The following FHOD3 variants were observed in gnomAD, a reference collection of about 807,000 sequenced individuals.
FHOD3 encodes the protein formin homology 2 domain containing 3, also known as FH1/FH2 domain-containing protein 3.
A neutral mutation model predicts 173.0 loss-of-function variants in FHOD3; 90 were observed. That is an observed-to-expected ratio of 0.52 (90% CI 0.44 to 0.62). The LOEUF is 0.62. Ranked by LOEUF, FHOD3 falls within the 20% of genes least tolerant of loss-of-function variation. The pLI, the probability that FHOD3 is intolerant of heterozygous loss-of-function variation, is 0.00. For synonymous variants in FHOD3, 828 were observed against 823.0 expected, an observed-to-expected ratio of 1.01 and a Z score of -0.10; for missense variants, 1,945 against 2,034.7, an observed-to-expected ratio of 0.96 and a Z score of 0.85.
At chr18:36,601,104 G>T (rs1168202421) in intron 7 of FHOD3, among the ~76,000 whole-genome samples, 2 of 152,204 alleles carry the variant, frequency 1.3e-5, no homozygotes, top group Admixed American at 6.5e-5. Context: ...CTACACCGTG[G>T]TGTGGACTTC....
intron 24 of FHOD3, among the ~76,000 whole-genome samples, chr18:36,754,261 A>G (rs2042530678): frequency 6.6e-6 from 1 of 152,174 alleles, no homozygotes; most frequent in African/African-American, 2.4e-5. Flanking sequence ...TAAAAAATCC[A>G]TATTCAAGCT....
chr18:36,502,079 G>A (rs1053908357), intron 4 of FHOD3, 80 bp downstream of exon 4: 1 of 852,906 alleles, frequency 1.2e-6, no homozygotes, highest in Non-Finnish European at 1.8e-6. Context: ...ACCTGTACTT[G>A]TTATGAAAAG....
intron 3 of FHOD3, among the ~76,000 whole-genome samples, chr18:36,473,452 A>G (rs568400736): frequency 6.6e-6 from 1 of 152,308 alleles, no homozygotes; most frequent in East Asian, 1.9e-4. Flanking sequence ...GACCTGCTGA[A>G]TCAGAACCTA....
intron 3 of FHOD3, among the ~76,000 whole-genome samples, chr18:36,449,210 G>A (rs2051678455): frequency 1.3e-5 from 2 of 151,966 alleles, no homozygotes; most frequent in Admixed American, 1.3e-4. Flanking sequence ...CTTAGAAGCT[G>A]CCTATACTTT....
chr18:36,426,893 C>T (rs1173837232), intron 3 of FHOD3, among the ~76,000 whole-genome samples: 1 of 151,934 alleles, frequency 6.6e-6, no homozygotes, highest in Non-Finnish European at 1.5e-5. Context: ...TTTGTTTAAT[C>T]ATCACCACCA....
chr18:36,584,829 A>G (rs1214138626), intron 6 of FHOD3, among the ~76,000 whole-genome samples: 1 of 151,682 alleles, frequency 6.6e-6, no homozygotes, highest in African/African-American at 2.4e-5. Flanking sequence ...AGTAAAAAAT[A>G]ACTTTTTAAA....
At chr18:36,531,850 G>A (rs1214965463) in intron 5 of FHOD3, among the ~76,000 whole-genome samples, 1 of 152,238 alleles carries the variant, frequency 6.6e-6, no homozygotes, top group African/African-American at 2.4e-5. Context: ...CCACAGGCAG[G>A]CTGGCTCCTG....
chr18:36,730,030 T>C (rs1002549038), intron 19 of FHOD3, among the ~76,000 whole-genome samples: 1 of 152,194 alleles, frequency 6.6e-6, no homozygotes. Flanking sequence ...TTTCTTTTCC[T>C]TGGAAGGCTC....
chr18:36,658,383 A>ATTTTAT (rs1468198512), intron 14 of FHOD3, among the ~76,000 whole-genome samples, 195 bp downstream of exon 14: 1 of 152,238 alleles, frequency 6.6e-6, no homozygotes, highest in African/African-American at 2.4e-5. Context: ...ATTAGAGGTG[A>ATTTTAT]TATTTTAATA....
At chr18:36,574,315 A>G (rs2058567099) in intron 5 of FHOD3, among the ~76,000 whole-genome samples, 1 of 152,220 alleles carries the variant, frequency 6.6e-6, no homozygotes, top group Non-Finnish European at 1.5e-5. Flanking sequence ...GAGTGAAAAC[A>G]CTACCTTATT....
At chr18:36,332,430 C>G (rs1320421524) in intron 1 of FHOD3, among the ~76,000 whole-genome samples, 7 of 152,218 alleles carry the variant, frequency 4.6e-5, no homozygotes, top group African/African-American at 1.4e-4. Context: ...GGCCTGCTAA[C>G]AGCTCCACCT....
At position 36,625,699 on chromosome 18, in the gene FHOD3, C is replaced by G; in HGVS notation, c.1146C>G (p.Ser382=). 1 of 1,610,284 alleles carries G rather than the reference C, an allele frequency of 6.2e-7. No homozygotes were observed. The highest frequency in any genetic ancestry group is 8.5e-7 in the Non-Finnish European group (1 of 1,177,842). The change falls in exon 10 of 29, where the codon TCC becomes TCG. Residue 382 remains serine (S), a synonymous_variant. Coordinates refer to ENST00000590592, the MANE Select transcript of FHOD3 (RefSeq NM_001281740.3). ...TGTCGGCCCCCACCAGTCCCTGCTC[C>G]CAGTCAGCTCCCAGCTTCAAGCCCA... ...STLSAPTSPC[S]QSAPSFKPNQ...
intron 14 of FHOD3, among the ~76,000 whole-genome samples, chr18:36,669,492 T>TG (rs1437789473): frequency 6.6e-6 from 1 of 151,936 alleles, no homozygotes; most frequent in South Asian, 2.1e-4. Context: ...TTCTTCCTTT[T>TG]GGGGGGTTGC....
intron 20 of FHOD3, among the ~76,000 whole-genome samples, chr18:36,738,721 C>CT (rs1406453087): frequency 2.0e-5 from 3 of 152,116 alleles, no homozygotes; most frequent in Non-Finnish European, 2.9e-5. Flanking sequence ...TGCCTTGCAC[C>CT]TTTTTCAAAA....
chr18:36,656,705 A>G (rs1208793637), intron 13 of FHOD3, among the ~76,000 whole-genome samples: 1 of 152,176 alleles, frequency 6.6e-6, no homozygotes, highest in Non-Finnish European at 1.5e-5. Context: ...AACTGTGTAT[A>G]TTATATCCTG....
intron 17 of FHOD3, among the ~76,000 whole-genome samples, chr18:36,706,891 G>A (rs532532369): frequency 1.3e-5 from 2 of 152,128 alleles, no homozygotes; most frequent in East Asian, 1.9e-4. Context: ...AAAAACATGT[G>A]CTTTCTGTCA....
chr18:36,601,140 C>T lies in FHOD3; in HGVS notation c.719-1534C>T, dbSNP rs544865649. 1.3e-3 allele frequency among the ~76,000 whole-genome samples: 201 copies of T among 152,256 alleles called. 1 individual carries two copies. Among genetic ancestry groups the T allele is most frequent in the Non-Finnish European group, 2.4e-3 (165 of 68,014 alleles). On this transcript the variant is annotated intron_variant, in intron 7 of 28. Transcript: ENST00000590592. ...AAAGTAGTTTGATGATCAATATCAG[C>T]AAGGAGATAATTCAGTAGTCAGCAG...
intron 8 of FHOD3, among the ~76,000 whole-genome samples, chr18:36,603,784 G>C (rs762418000): frequency 5.9e-5 from 9 of 152,178 alleles, no homozygotes; most frequent in Non-Finnish European, 1.2e-4. Flanking sequence ...GATTACAGGC[G>C]TGAGCCACTG....
At chr18:36,322,962 G>C (rs965883096) in intron 1 of FHOD3, among the ~76,000 whole-genome samples, 1 of 152,294 alleles carries the variant, frequency 6.6e-6, no homozygotes, top group East Asian at 1.9e-4. Context: ...ACCCTCATGG[G>C]TGCCCTTTTG....
Sources: allele counts gnomAD v4.1 joint callset (sites outside exome capture counted in the v4.1 genomes callset), GRCh38; gene constraint gnomAD v4.1.1; transcripts MANE v1.5; gene names NCBI Gene and HGNC (gene_info 2026-07-23, HGNC 2026-07-21).